SLC9A6: variants seen among roughly 807,000 people sequenced by gnomAD.
The protein encoded by SLC9A6 is sodium/hydrogen exchanger 6.
Under a neutral mutation model 45.3 loss-of-function variants are expected in SLC9A6, and 6 were observed. That is an observed-to-expected ratio of 0.13 (90% confidence interval 0.07 to 0.26). The LOEUF is 0.26. Among genes scored for constraint, SLC9A6 ranks in the 10% least tolerant of loss-of-function variants. The pLI, the probability that SLC9A6 is intolerant of heterozygous loss-of-function variation, is 1.00. For synonymous variants in SLC9A6, 191 were observed against 187.7 expected (o/e 1.02, Z -0.14); for missense variants, 278 against 503.7 (o/e 0.55, Z 4.29).
chrX:136,035,237 A>G (rs1289361069), intron 16 of SLC9A6, among the ~76,000 whole-genome samples: 1 of 111,934 alleles, frequency 8.9e-6, no homozygotes, highest in African/African-American at 3.2e-5. Flanking sequence ...TGAATACAAT[A>G]AAGTACACGA....
At chrX:136,018,391 A>T (rs2071061236) in intron 11 of SLC9A6, among the ~76,000 whole-genome samples, 2 of 112,301 alleles carry the variant, frequency 1.8e-5, no homozygotes, top group African/African-American at 6.5e-5. Flanking sequence ...GTCCAGCAGT[A>T]CTTACTGTAA....
At chrX:135,989,046 G>A (rs1485929255) in intron 2 of SLC9A6, among the ~76,000 whole-genome samples, 2 of 110,932 alleles carry the variant, frequency 1.8e-5, no homozygotes, top group Non-Finnish European at 3.8e-5. Flanking sequence ...ATGACTCTGG[G>A]GTCAAAATGG....
chrX:136,010,710 T>C, intron 8 of SLC9A6, 127 bp downstream of exon 8: 2 of 631,976 alleles, frequency 3.2e-6, no homozygotes, highest in Non-Finnish European at 5.0e-6. Flanking sequence ...ACTAAGTACT[T>C]GGTTTGAAAA....
chrX:136,032,409 A>G (rs782285833), intron 15 of SLC9A6, among the ~76,000 whole-genome samples: 70 of 112,535 alleles, frequency 6.2e-4, no homozygotes, highest in African/African-American at 2.2e-3. Context: ...TTATGGAAAC[A>G]TAGAACATGA....
intron 14 of SLC9A6, 99 bp downstream of exon 14, chrX:136,029,074 G>A (rs782768466): frequency 1.1e-4 from 29 of 272,840 alleles, no homozygotes; most frequent in African/African-American, 6.5e-4. Flanking sequence ...TGAAGGGGTC[G>A]TAGAATGGTT....
intron 5 of SLC9A6, 94 bp downstream of exon 5, chrX:135,998,652 T>C: frequency 1.4e-6 from 1 of 740,429 alleles, no homozygotes; most frequent in South Asian, 2.4e-5. Context: ...TATTCCTGAC[T>C]GGGTCTAAAG....
At chrX:135,980,207 C>A (rs1393217436), upstream of SLC9A6, among the ~76,000 whole-genome samples, 6 of 76,315 alleles carry the variant, frequency 7.9e-5, no homozygotes, top group African/African-American at 2.4e-4. Context: ...GCCTGTCCCC[C>A]AATACATGAT....
intron 15 of SLC9A6, among the ~76,000 whole-genome samples, chrX:136,031,331 G>C (rs1259922017): frequency 8.9e-6 from 1 of 112,836 alleles, no homozygotes; most frequent in Non-Finnish European, 1.9e-5. Flanking sequence ...AGGAGTGACA[G>C]GGAGAGAGCC....
At chrX:135,983,213 G>A (rs1556614369), upstream of SLC9A6, among the ~76,000 whole-genome samples, 1 of 111,596 alleles carries the variant, frequency 9.0e-6, no homozygotes, top group African/African-American at 3.3e-5. Context: ...TTGTGTATAC[G>A]TGTGTATATG....
chrX:135,977,333 T>A (rs886913904), intron 1 of SLC9A6, among the ~76,000 whole-genome samples: 7 of 112,313 alleles, frequency 6.2e-5, no homozygotes, highest in African/African-American at 2.3e-4. Context: ...TGAAGACTTA[T>A]CACGTTTCCC....
intron 7 of SLC9A6, among the ~76,000 whole-genome samples, chrX:136,008,614 A>C (rs1295153154): frequency 8.9e-6 from 1 of 112,363 alleles, no homozygotes; most frequent in Non-Finnish European, 1.9e-5. Flanking sequence ...CTGTGATTAC[A>C]GCTAAATAAG....
At chrX:136,016,562 CTGTTT>C in intron 10 of SLC9A6, 78 bp from the exon 11 acceptor site, 1 of 562,590 alleles carries the variant, frequency 1.8e-6, no homozygotes, top group Non-Finnish European at 3.2e-6. Context: ...ATATGAGTGT[CTGTTT>C]TAATATCTTA....
chrX:136,002,220 G>C lies in SLC9A6; in HGVS notation c.743+7G>C. On this transcript the variant is annotated splice_region_variant and intron_variant, in intron 7 of 17. Transcript: ENST00000630721. ...TTGCCATAGTGCTGTCCTCGTAAGTGTTTGTTTTCTTATTATATTCTGAAT... is the reference window on the plus strand; with the variant it reads ...TTGCCATAGTGCTGTCCTCGTAAGTCTTTGTTTTCTTATTATATTCTGAAT... 1 of 1,123,585 alleles carries C rather than the reference G, an allele frequency of 8.9e-7. No individual in the cohort carries two copies. The highest frequency in any genetic ancestry group is 1.8e-5 in the African/African-American group (1 of 56,202). 92.6% of individuals were successfully genotyped at this position (1,123,585 alleles called of 1,213,427 possible).
chrX:136,006,903 G>A (rs892573285), intron 7 of SLC9A6, among the ~76,000 whole-genome samples: 7 of 109,945 alleles, frequency 6.4e-5, no homozygotes, highest in East Asian at 2.9e-4. Context: ...TTTTGCTCTC[G>A]TCACCCAGGC....
chrX:136,029,424 G>A (rs908907725), intron 14 of SLC9A6: 2 of 111,266 alleles, frequency 1.8e-5, no homozygotes, highest in Non-Finnish European at 3.7e-5. Flanking sequence ...GGGAGAGCCT[G>A]GCAGCTGGAA....
chrX:135,985,891 G>C, intron 2 of SLC9A6, 64 bp downstream of exon 2: 3 of 1,152,688 alleles, frequency 2.6e-6, no homozygotes, highest in Non-Finnish European at 3.5e-6. Context: ...CGGCTGCTTC[G>C]CCTCCTCTGC....
At chrX:135,976,256 A>G (rs73226735) in intron 1 of SLC9A6, among the ~76,000 whole-genome samples, 266 of 111,827 alleles carry the variant, frequency 2.4e-3, no homozygotes, top group Admixed American at 4.2e-3. Flanking sequence ...AGTTGACAGG[A>G]AAGTGCTTCC....
Position 136,044,688 on chromosome X carries a change from A to G in SLC9A6, c.2004A>G (p.Leu668=). 8.3e-7 allele frequency: 1 copy of G among 1,211,039 alleles called. No individual in the cohort carries two copies. Among genetic ancestry groups the G allele is most frequent in the South Asian group, 1.8e-5 (1 of 56,965 alleles). ...VLPMDDSEPP[L]NLLDNTRHGP... ...CAATGGATGATTCTGAACCCCCGCT[A>G]AATTTGTTAGATAATACGAGACATG... The change falls in exon 18 of 18, where the codon CTA becomes CTG. Residue 668 remains leucine (L), a synonymous_variant. Transcript: ENST00000630721.
At position 136,044,788 on chromosome X, in the gene SLC9A6, T is replaced by C; in HGVS notation, c.*64T>C. On this transcript the variant is annotated 3_prime_UTR_variant, in exon 18 of 18. Transcript: ENST00000630721. The stretch of plus-strand genomic sequence containing the variant: ...CATGTGATTGTGAAGAAATTTGTAC[T>C]ACCTAAAAGTCCCAGTGCATGTCTC... 1 of 1,020,592 alleles carries C rather than the reference T, an allele frequency of 9.8e-7. No individual in the cohort carries two copies. Among genetic ancestry groups the C allele is most frequent in the East Asian group, 3.0e-5 (1 of 32,996 alleles). 84.1% of individuals were successfully genotyped at this position (1,020,592 alleles called of 1,213,427 possible).
Sources: allele counts gnomAD v4.1 joint callset (sites outside exome capture counted in the v4.1 genomes callset), GRCh38; gene constraint gnomAD v4.1.1; transcripts MANE v1.5; gene names NCBI Gene and HGNC (gene_info 2026-07-23, HGNC 2026-07-21).